UNC13C: variants seen among roughly 807,000 people sequenced by gnomAD.
UNC13C encodes the protein unc-13 homolog C.
In UNC13C, 174 loss-of-function variants were observed where a neutral mutation model predicts 245.4. The ratio of observed to expected loss-of-function variants is 0.71; its 90% CI spans 0.63 to 0.80. The LOEUF is 0.80. Among genes scored for constraint, UNC13C ranks in the 30% least tolerant of loss-of-function variants. The probability of loss-of-function intolerance (pLI) is 0.00; values close to 1 mark genes in which losing one functional copy is unlikely to be tolerated. For missense variants in UNC13C, 2,829 were observed against 2,602.9 expected, an observed-to-expected ratio of 1.09 and a Z score of -1.89; for synonymous variants, 992 against 895.1, an observed-to-expected ratio of 1.11 and a Z score of -1.93.
chr15:54,483,085 G>C (rs1893215934), intron 19 of UNC13C, among the ~76,000 whole-genome samples: 1 of 152,146 alleles, frequency 6.6e-6, no homozygotes, highest in Admixed American at 6.5e-5. Flanking sequence ...GAATACTAGA[G>C]CTGCAACTCC....
chr15:54,621,636 T>C (rs1319952278), intron 30 of UNC13C, among the ~76,000 whole-genome samples: 12 of 152,118 alleles, frequency 7.9e-5, no homozygotes, highest in Non-Finnish European at 1.8e-4. Flanking sequence ...AATGTGAATA[T>C]AGTAAGAGGT....
intron 13 of UNC13C, among the ~76,000 whole-genome samples, chr15:54,301,133 A>G (rs1337578724): frequency 6.6e-6 from 1 of 152,058 alleles, no homozygotes; most frequent in Non-Finnish European, 1.5e-5. Context: ...ACCAGGTGTA[A>G]TTTGTAAATT....
intron 17 of UNC13C, among the ~76,000 whole-genome samples, chr15:54,369,501 G>T (rs530775797): frequency 6.6e-6 from 1 of 152,036 alleles, no homozygotes; most frequent in African/African-American, 2.4e-5. Flanking sequence ...TTTTAAAAAT[G>T]CACCACAAAT....
In UNC13C at chr15:54,056,803, AT is replaced by A. The variant is rs1897551115; in HGVS notation, c.2983+40919del. 2.6e-5 allele frequency among the ~76,000 whole-genome samples: 4 copies of A among 152,358 alleles called. No individual in the cohort carries two copies. In the South Asian group the frequency reaches 8.3e-4, roughly 32 times the overall value. On this transcript the variant is annotated intron_variant, in intron 2 of 32. Coordinates refer to ENST00000260323, the MANE Select transcript of UNC13C (RefSeq NM_001080534.3). ...AAGCCAGAAGAGAGTGGGGCCCAAT[AT>A]TAAACATTCTTAAAGAAAAGAATTT...
chr15:54,301,733 G>C (rs2140948198), intron 13 of UNC13C, among the ~76,000 whole-genome samples: 1 of 152,194 alleles, frequency 6.6e-6, no homozygotes, highest in African/African-American at 2.4e-5. Flanking sequence ...ATTATGAACA[G>C]TGCTGTGATA....
At chr15:54,392,775 C>T (rs2039984434) in intron 17 of UNC13C, among the ~76,000 whole-genome samples, 1 of 151,794 alleles carries the variant, frequency 6.6e-6, no homozygotes, top group South Asian at 2.1e-4. Flanking sequence ...CAGGAAAAAC[C>T]TCTAATCCAG....
intron 30 of UNC13C, among the ~76,000 whole-genome samples, chr15:54,597,039 G>T (rs969834409): frequency 6.6e-6 from 1 of 152,094 alleles, no homozygotes; most frequent in African/African-American, 2.4e-5. Flanking sequence ...CAATCTTTTT[G>T]GCGCCAGAGA....
At chr15:54,336,594 G>C (rs529935387) in intron 16 of UNC13C, among the ~76,000 whole-genome samples, 1 of 151,024 alleles carries the variant, frequency 6.6e-6, no homozygotes, top group South Asian at 2.1e-4. Flanking sequence ...TTTTATATTT[G>C]GGCATATTTT....
intron 17 of UNC13C, among the ~76,000 whole-genome samples, chr15:54,388,647 G>A (rs892891866): frequency 9.9e-5 from 15 of 151,914 alleles, no homozygotes; most frequent in African/African-American, 2.7e-4. Flanking sequence ...CATAGACTCC[G>A]GATCTCATTC....
intron 26 of UNC13C, among the ~76,000 whole-genome samples, chr15:54,541,322 G>C (rs1314414767): frequency 3.3e-5 from 5 of 152,028 alleles, no homozygotes; most frequent in Admixed American, 1.3e-4. Context: ...ACAGCCAAAT[G>C]TGTCTGTCAT....
At chr15:54,538,091 C>G (rs1896064676) in intron 26 of UNC13C, among the ~76,000 whole-genome samples, 1 of 114,050 alleles carries the variant, frequency 8.8e-6, no homozygotes, top group Non-Finnish European at 1.7e-5. Context: ...TGACAATGGT[C>G]TAATATCCAG....
chr15:53,989,059 A>G (rs965129983), intron 1 of UNC13C, among the ~76,000 whole-genome samples: 1 of 151,984 alleles, frequency 6.6e-6, no homozygotes, highest in Non-Finnish European at 1.5e-5. Flanking sequence ...ACATGCAGGT[A>G]GTGGGCTCAT....
At chr15:54,282,174 G>A (rs1446395862) in intron 10 of UNC13C, among the ~76,000 whole-genome samples, 1 of 151,930 alleles carries the variant, frequency 6.6e-6, no homozygotes, top group African/African-American at 2.4e-5. Flanking sequence ...GTGATTTTTA[G>A]GTAACTACTG....
intron 2 of UNC13C, among the ~76,000 whole-genome samples, chr15:54,052,630 G>C (rs1209707168): frequency 6.6e-6 from 1 of 152,164 alleles, no homozygotes; most frequent in Non-Finnish European, 1.5e-5. Context: ...TTTTATCCAC[G>C]AAGAAAGGAT....
chr15:54,246,242 C>T (rs1212684058), intron 7 of UNC13C, among the ~76,000 whole-genome samples: 1 of 152,124 alleles, frequency 6.6e-6, no homozygotes, highest in Non-Finnish European at 1.5e-5. Context: ...CAAAATATTT[C>T]TCTAGGGTGT....
chr15:54,077,628 C>A lies in UNC13C; in HGVS notation c.2983+61742C>A, dbSNP rs576941330. 4.6e-5 allele frequency among the ~76,000 whole-genome samples: 7 copies of A among 152,104 alleles called. No homozygotes were observed. In the South Asian group the frequency reaches 1.5e-3, roughly 32 times the overall value. ...TCATGTGATCTGCCCACCTAGGCCT[C>A]CCAAAGTGCTGGGATTACAGGCATG... On this transcript the variant is annotated intron_variant, in intron 2 of 32. Transcript: ENST00000260323.
rs138519793 is a variant in UNC13C at position 54,463,035 on chromosome 15, G to C, written c.4934-31573G>C. Among the ~76,000 whole-genome samples, 1,090 of 151,996 alleles carry C rather than the reference G, an allele frequency of 7.2e-3. 16 individuals carry two copies. The highest frequency in any genetic ancestry group is 0.024 in the African/African-American group (1,015 of 41,480). ...TGCATCAATCAGCACTCTGTGTCTA[G>C]CTAAAGTTTGTAAATGCACCAATCA... is the stretch of plus-strand genomic sequence containing the variant. On this transcript the variant is annotated intron_variant, in intron 19 of 32. Coordinates refer to ENST00000260323, the MANE Select transcript of UNC13C (RefSeq NM_001080534.3).
At chr15:54,161,558 A>G (rs2032975384) in intron 4 of UNC13C, among the ~76,000 whole-genome samples, 2 of 152,114 alleles carry the variant, frequency 1.3e-5, no homozygotes, top group African/African-American at 2.4e-5. Flanking sequence ...ATAAATATCA[A>G]TATTTATTTC....
At chr15:54,131,561 G>A (rs954753325) in intron 2 of UNC13C, among the ~76,000 whole-genome samples, 3 of 152,176 alleles carry the variant, frequency 2.0e-5, no homozygotes, top group East Asian at 3.9e-4. Flanking sequence ...TTCCCAGGAC[G>A]TGAGTCATCC....
Sources: allele counts gnomAD v4.1 joint callset (sites outside exome capture counted in the v4.1 genomes callset), GRCh38; gene constraint gnomAD v4.1.1; transcripts MANE v1.5; gene names NCBI Gene and HGNC (gene_info 2026-07-23, HGNC 2026-07-21).